The following PTPRD variants were observed in gnomAD, a reference collection of about 807,000 sequenced individuals.
PTPRD encodes receptor-type tyrosine-protein phosphatase delta.
PTPRD carries 34 observed loss-of-function variants against 214.5 expected under a neutral mutation model. The ratio of observed to expected loss-of-function variants is 0.16; its 90% CI spans 0.12 to 0.21. The LOEUF (loss-of-function observed/expected upper bound fraction) is 0.21. PTPRD is among the 10% of genes least tolerant of loss of function. The probability of loss-of-function intolerance (pLI) is 1.00; values close to 1 mark genes in which losing one functional copy is unlikely to be tolerated. For synonymous variants in PTPRD, 1,128 were observed against 845.7 expected (o/e 1.33, Z -5.79); for missense variants, 2,545 against 2,398.7 (o/e 1.06, Z -1.27).
intron 12 of PTPRD, among the ~76,000 whole-genome samples, 188 bp downstream of exon 12, chr9:8,733,592 G>C (rs898822121): frequency 2.6e-5 from 4 of 152,184 alleles, no homozygotes; most frequent in African/African-American, 9.6e-5. Flanking sequence ...TTAAAACGGA[G>C]AGGAAATGGT....
chr9:9,289,999 G>A (rs1053224614), intron 9 of PTPRD, among the ~76,000 whole-genome samples: 2 of 151,606 alleles, frequency 1.3e-5, no homozygotes, highest in African/African-American at 4.8e-5. Context: ...GAATCATGTC[G>A]TGGTTCTATT....
At chr9:10,130,292 T>C (rs2098851678) in intron 3 of PTPRD, among the ~76,000 whole-genome samples, 1 of 152,008 alleles carries the variant, frequency 6.6e-6, no homozygotes, top group African/African-American at 2.4e-5. Context: ...TCTATGACTG[T>C]TTTCAAAGAT....
At chr9:8,732,626 T>A (rs1013941133) in intron 12 of PTPRD, among the ~76,000 whole-genome samples, 1 of 152,352 alleles carries the variant, frequency 6.6e-6, no homozygotes, top group Admixed American at 6.5e-5. Context: ...ATTAGGAAAC[T>A]ATATACATTA....
rs2098263931 is a variant in PTPRD at position 10,082,831 on chromosome 9, A to G, written c.-544-49041T>C. 2.2e-5 allele frequency among the ~76,000 whole-genome samples: 3 copies of G among 135,336 alleles called. No individual in the cohort carries two copies. In the South Asian group the frequency reaches 7.2e-4, roughly 32 times the overall value. 88.8% of individuals were successfully genotyped at this position (135,336 alleles called of 152,430 possible). A position where few individuals can be genotyped will look rare whatever the true frequency, so the allele number is the denominator to read the frequency against. On this transcript the variant is annotated intron_variant, in intron 3 of 45. Coordinates refer to ENST00000381196, the MANE Select transcript of PTPRD (RefSeq NM_002839.4). ...TCCTCCTACACACACACACACACAC[A>G]CACACACAAACACACACACACACAC...
chr9:10,363,991 G>GTTTTT lies in PTPRD; in HGVS notation c.-599-22979_-599-22975dup, dbSNP rs71270610. Among the ~76,000 whole-genome samples, 3 of 35,128 alleles carry GTTTTT rather than the reference G, an allele frequency of 8.5e-5. 1 individual carries two copies. The highest frequency in any genetic ancestry group is 3.7e-4 in the African/African-American group (3 of 8,106). The allele number at this position is 35,128 out of a possible 152,430, so 23.0% of individuals were successfully genotyped here. On this transcript the variant is annotated intron_variant, in intron 2 of 45. Coordinates refer to ENST00000381196, the MANE Select transcript of PTPRD (RefSeq NM_002839.4). Reference sequence around the variant, plus strand: ...ATTATTATTGCCTCCACATTTTCGGGTTTTTTTTTTTTTTTTTTTTTTTTT... The same window carrying GTTTTT: ...ATTATTATTGCCTCCACATTTTCGGGTTTTTTTTTTTTTTTTTTTTTTTTTTTTTT...
chr9:10,215,856 A>T (rs965691631), intron 3 of PTPRD, among the ~76,000 whole-genome samples: 1 of 151,970 alleles, frequency 6.6e-6, no homozygotes, highest in Non-Finnish European at 1.5e-5. Context: ...AAATTAAATA[A>T]AAACATATAT....
intron 2 of PTPRD, among the ~76,000 whole-genome samples, chr9:10,366,962 CTG>C (rs1427331479): frequency 6.6e-6 from 1 of 151,816 alleles, no homozygotes; most frequent in Admixed American, 6.6e-5. Context: ...ATTTCATGAC[CTG>C]GGTGGTGAAT....
At chr9:9,985,191 C>T (rs533620689) in intron 4 of PTPRD, among the ~76,000 whole-genome samples, 10 of 152,158 alleles carry the variant, frequency 6.6e-5, no homozygotes, top group African/African-American at 2.4e-4. Context: ...GGTCTGAACC[C>T]CAGCCTTGAG....
At chr9:10,267,106 G>A (rs1175149934) in intron 3 of PTPRD, among the ~76,000 whole-genome samples, 16 of 150,258 alleles carry the variant, frequency 1.1e-4, no homozygotes, top group East Asian at 7.9e-4. Flanking sequence ...CAGGAGAGTC[G>A]CCTGAACTCG....
intron 8 of PTPRD, among the ~76,000 whole-genome samples, chr9:9,462,081 T>C (rs994121873): frequency 6.6e-6 from 1 of 152,156 alleles, no homozygotes; most frequent in Non-Finnish European, 1.5e-5. Context: ...TTGTTTGTTA[T>C]TATGTCTCCA....
chr9:10,076,822 A>G (rs551528689), intron 3 of PTPRD, among the ~76,000 whole-genome samples: 1 of 152,138 alleles, frequency 6.6e-6, no homozygotes, highest in East Asian at 1.9e-4. Context: ...CAGCTAAATA[A>G]ACCTAGCGCA....
At chr9:9,782,739 TCA>T (rs1486970163) in intron 5 of PTPRD, among the ~76,000 whole-genome samples, 1 of 152,182 alleles carries the variant, frequency 6.6e-6, no homozygotes, top group Non-Finnish European at 1.5e-5. Context: ...TCTCAAGTCC[TCA>T]CAGTTATTAT....
At chr9:8,616,109 G>T (rs574153713) in intron 14 of PTPRD, among the ~76,000 whole-genome samples, 2 of 152,204 alleles carry the variant, frequency 1.3e-5, no homozygotes, top group Admixed American at 1.3e-4. Context: ...CAAGTGAATT[G>T]TTGATCTACT....
chr9:8,833,715 TACAC>T (rs1177957119), intron 11 of PTPRD, among the ~76,000 whole-genome samples: 1,614 of 133,712 alleles, frequency 0.012, 21 homozygotes, highest in African/African-American at 0.039. Context: ...TATATATATA[TACAC>T]ACACACACAC....
chr9:10,059,841 T>G (rs1238671400), intron 3 of PTPRD, among the ~76,000 whole-genome samples: 2 of 151,650 alleles, frequency 1.3e-5, no homozygotes, highest in Non-Finnish European at 2.9e-5. Flanking sequence ...AAAATAAGGT[T>G]ACTTTGGAAA....
At chr9:8,678,921 A>AC (rs1204540310) in intron 12 of PTPRD, among the ~76,000 whole-genome samples, 4 of 152,244 alleles carry the variant, frequency 2.6e-5, no homozygotes, top group African/African-American at 9.6e-5. Context: ...GGTAAAGAAT[A>AC]AAATGTTTCA....
At chr9:8,473,890 G>C (rs1178773651) in intron 30 of PTPRD, among the ~76,000 whole-genome samples, 2 of 152,170 alleles carry the variant, frequency 1.3e-5, no homozygotes, top group Non-Finnish European at 2.9e-5. Context: ...CTTGCACATT[G>C]AAAGAAATAG....
At chr9:8,767,057 TCAAA>T (rs1380421651) in intron 11 of PTPRD, among the ~76,000 whole-genome samples, 3 of 152,058 alleles carry the variant, frequency 2.0e-5, no homozygotes, top group Admixed American at 2.0e-4. Flanking sequence ...TGCCCCCAAA[TCAAA>T]CAAAACCAAA....
At chr9:10,050,810 T>A (rs2097523044) in intron 3 of PTPRD, among the ~76,000 whole-genome samples, 1 of 152,010 alleles carries the variant, frequency 6.6e-6, no homozygotes. Flanking sequence ...TCCTGTCCAA[T>A]TTTGGGTGAG....
Sources: gnomAD v4.1 joint callset for allele counts (sites outside exome capture counted in the v4.1 genomes callset) on GRCh38, gnomAD v4.1.1 for gene constraint, MANE v1.5 for transcripts, NCBI Gene and HGNC (gene_info 2026-07-23, HGNC 2026-07-21) for gene names.